The following IPCEF1 variants were observed in gnomAD, a reference collection of about 807,000 sequenced individuals.
IPCEF1 encodes interaction protein for cytohesin exchange factors 1, also known as interactor protein for cytohesin exchange factors 1.
IPCEF1 carries 31 observed loss-of-function variants against 50.9 expected under a neutral mutation model. The ratio of observed to expected loss-of-function variants is 0.61; its 90% CI spans 0.46 to 0.82. The LOEUF is 0.82. Ranked by LOEUF, IPCEF1 falls within the 40% of genes least tolerant of loss-of-function variation. IPCEF1 has a pLI of 0.00. For synonymous variants in IPCEF1, 181 were observed against 192.0 expected (o/e 0.94, Z 0.47); for missense variants, 458 against 514.0 (o/e 0.89, Z 1.05).
chr6:154,303,959 G>T (rs1782865028), intron 1 of IPCEF1, among the ~76,000 whole-genome samples: 9 of 151,512 alleles, frequency 5.9e-5, no homozygotes, highest in Admixed American at 5.3e-4. Context: ...AGGCAAGGGG[G>T]CATGCATCTG....
At chr6:154,217,871 G>T (rs968164214) in intron 7 of IPCEF1, among the ~76,000 whole-genome samples, 2 of 152,092 alleles carry the variant, frequency 1.3e-5, no homozygotes, top group African/African-American at 4.8e-5. Flanking sequence ...AACAAGAAAA[G>T]GCATTTCTAA....
In IPCEF1 at chr6:154,208,332, T is replaced by A. The variant is rs139039726; in HGVS notation, c.537+4438A>T. 5.6e-3 allele frequency among the ~76,000 whole-genome samples: 848 copies of A among 152,202 alleles called. 7 individuals are homozygous for A. Among genetic ancestry groups the A allele is most frequent in the South Asian group, 9.6e-3 (46 of 4,816 alleles). On this transcript the variant is annotated intron_variant, in intron 9 of 11. Coordinates refer to ENST00000367220, the MANE Select transcript of IPCEF1 (RefSeq NM_001130700.2). ...GCTTGGAAAACTTTTCCCCCAAATATCCACTTGGCTGACTCTCACACCACC... is the reference window on the plus strand; with the variant it reads ...GCTTGGAAAACTTTTCCCCCAAATAACCACTTGGCTGACTCTCACACCACC...
intron 9 of IPCEF1, among the ~76,000 whole-genome samples, chr6:154,211,438 AG>A (rs1777957646): frequency 6.6e-6 from 1 of 152,010 alleles, no homozygotes; most frequent in South Asian, 2.1e-4. Flanking sequence ...AAAAAGGAAA[AG>A]CATGTCCTAT....
At chr6:154,278,034 T>G (rs1782109565) in intron 2 of IPCEF1, among the ~76,000 whole-genome samples, 1 of 152,098 alleles carries the variant, frequency 6.6e-6, no homozygotes, top group Non-Finnish European at 1.5e-5. Context: ...CTAGATACCT[T>G]CATTTAACCT....
intron 1 of IPCEF1, among the ~76,000 whole-genome samples, chr6:154,343,693 T>C (rs971726979): frequency 6.6e-6 from 1 of 152,216 alleles, no homozygotes; most frequent in Non-Finnish European, 1.5e-5. Context: ...CTGTAGGTGT[T>C]GTTGAGAAAT....
chr6:154,201,873 C>T (rs894250849), intron 9 of IPCEF1, among the ~76,000 whole-genome samples: 4 of 152,084 alleles, frequency 2.6e-5, no homozygotes, highest in Admixed American at 6.6e-5. Flanking sequence ...CCAGCCTGGG[C>T]AACAGAGTGA....
chr6:154,303,046 G>A (rs1460088321), intron 1 of IPCEF1, among the ~76,000 whole-genome samples: 3 of 149,754 alleles, frequency 2.0e-5, no homozygotes, highest in African/African-American at 4.9e-5. Context: ...ATCTTCCTAA[G>A]TTCCCATCAG....
intron 10 of IPCEF1, among the ~76,000 whole-genome samples, chr6:154,197,105 C>T (rs1776681589): frequency 6.6e-6 from 1 of 152,142 alleles, no homozygotes; most frequent in African/African-American, 2.4e-5. Flanking sequence ...TTTTAAAATC[C>T]TAGCTCTCAT....
chr6:154,283,503 C>A (rs1255384475), intron 2 of IPCEF1, among the ~76,000 whole-genome samples: 2 of 151,732 alleles, frequency 1.3e-5, no homozygotes, highest in African/African-American at 4.8e-5. Context: ...GAGGCTGAGG[C>A]GGGAGAATGG....
intron 1 of IPCEF1, among the ~76,000 whole-genome samples, chr6:154,298,758 G>A (rs1321998109): frequency 6.6e-6 from 1 of 152,160 alleles, no homozygotes; most frequent in Non-Finnish European, 1.5e-5. Context: ...GAGGTCAGGA[G>A]ATTGAGACCA....
chr6:154,333,731 G>A (rs1783727317), intron 1 of IPCEF1, among the ~76,000 whole-genome samples: 1 of 151,332 alleles, frequency 6.6e-6, no homozygotes, highest in African/African-American at 2.4e-5. Flanking sequence ...ATGTATATAT[G>A]TGTATGTATA....
intron 2 of IPCEF1, among the ~76,000 whole-genome samples, chr6:154,282,308 G>C (rs1195916982): frequency 1.3e-5 from 2 of 152,176 alleles, no homozygotes; most frequent in Non-Finnish European, 2.9e-5. Flanking sequence ...CAGTTAAGAG[G>C]CTACTGGAAC....
At chr6:154,314,861 A>C (rs1282495854) in intron 1 of IPCEF1, among the ~76,000 whole-genome samples, 2 of 152,000 alleles carry the variant, frequency 1.3e-5, no homozygotes, top group African/African-American at 4.8e-5. Flanking sequence ...TACTTTGTAA[A>C]GATGGCTTCA....
chr6:154,199,709 G>A lies in IPCEF1; in HGVS notation c.869C>T (p.Thr290Ile), dbSNP rs1440870805. The A allele has an allele frequency of 5.0e-6, 8 of 1,613,864 alleles. No homozygotes were observed. In the East Asian group the frequency reaches 8.9e-5, roughly 18 times the overall value. ...SSLSSNHDHL[T>I]VPDKPAGSKI... ...TGATCCAGCAGGCTTATCTGGGACA[G>A]TAAGATGGTCATGATTGCTACTCAA... The change falls in exon 10 of 12, where the codon ACT becomes ATT. Residue 290 changes from threonine (T) to isoleucine (I), a missense_variant. Coordinates refer to ENST00000367220, the MANE Select transcript of IPCEF1 (RefSeq NM_001130700.2).
chr6:154,261,300 T>C (rs865996275), intron 3 of IPCEF1, among the ~76,000 whole-genome samples: 5 of 152,210 alleles, frequency 3.3e-5, no homozygotes, highest in Non-Finnish European at 4.4e-5. Flanking sequence ...ATGCTGGGAT[T>C]GCAGGCATGA....
chr6:154,163,993 G>A (rs187099693), intron 11 of IPCEF1, among the ~76,000 whole-genome samples: 84 of 152,298 alleles, frequency 5.5e-4, no homozygotes, highest in Non-Finnish European at 6.3e-4. Flanking sequence ...TTCTTTCTGA[G>A]TTTTCAATAT....
intron 1 of IPCEF1, among the ~76,000 whole-genome samples, chr6:154,325,712 T>A (rs1206293824): frequency 6.6e-6 from 1 of 152,216 alleles, no homozygotes; most frequent in Non-Finnish European, 1.5e-5. Context: ...TCTAGTAATT[T>A]TGACTGCAAC....
chr6:154,168,218 A>G lies in IPCEF1; in HGVS notation c.911-105T>C. The G allele has an allele frequency of 1.3e-6, 1 of 754,618 alleles. No homozygotes were observed. The highest frequency in any genetic ancestry group is 2.1e-6 in the Non-Finnish European group (1 of 481,906). The allele number at this position is 754,618 out of a possible 1,614,324, so 46.7% of individuals were successfully genotyped here. ...AAGGCACGGCCCCACTGGCACCCTC[A>G]TCTCAGACTTCTCTCCGGAACTGAA... is the stretch of plus-strand genomic sequence containing the variant. On this transcript the variant is annotated intron_variant, in intron 10 of 11. Transcript: ENST00000367220. This position sits in a 1 kb window ranked among gnomAD's most constrained non-coding sequence, Gnocchi z 4.1.
At chr6:154,298,142 G>A (rs903848155) in intron 1 of IPCEF1, among the ~76,000 whole-genome samples, 1 of 152,070 alleles carries the variant, frequency 6.6e-6, no homozygotes, top group Non-Finnish European at 1.5e-5. Context: ...GCATTTCTAT[G>A]TTCTTTTAAA....
Sources: allele counts gnomAD v4.1 joint callset (sites outside exome capture counted in the v4.1 genomes callset), GRCh38; gene constraint gnomAD v4.1.1; non-coding constraint Gnocchi (gnomAD v3.1); transcripts MANE v1.5; gene names NCBI Gene and HGNC (gene_info 2026-07-23, HGNC 2026-07-21).